SPAG16: variants seen among roughly 807,000 people sequenced by gnomAD.
SPAG16 encodes the protein sperm-associated antigen 16 protein.
In SPAG16, 86 loss-of-function variants were observed where a neutral mutation model predicts 80.4. The observed-to-expected ratio is 1.07, with a 90% CI of 0.90 to 1.28. The LOEUF (loss-of-function observed/expected upper bound fraction) is 1.28. Ranked by LOEUF, SPAG16 falls within the 50% of genes most tolerant of loss-of-function variation. The pLI is 0.00. For missense variants in SPAG16, 870 were observed against 765.3 expected, an observed-to-expected ratio of 1.14 and a Z score of -1.61; for synonymous variants, 294 against 265.9, an observed-to-expected ratio of 1.11 and a Z score of -1.03.
chr2:213,318,391 G>A (rs1001739166), intron 5 of SPAG16, among the ~76,000 whole-genome samples: 8 of 152,040 alleles, frequency 5.3e-5, no homozygotes, highest in African/African-American at 1.9e-4. Context: ...TTAGTGAAAT[G>A]ACTCAGAAAC....
intron 10 of SPAG16, among the ~76,000 whole-genome samples, chr2:213,649,761 TG>T (rs1341340718): frequency 6.6e-6 from 1 of 152,072 alleles, no homozygotes. Context: ...AAATATTTTT[TG>T]TAAAGAAAGG....
intron 10 of SPAG16, among the ~76,000 whole-genome samples, chr2:213,778,302 C>CT (rs1165500279): frequency 6.6e-6 from 1 of 152,052 alleles, no homozygotes; most frequent in Non-Finnish European, 1.5e-5. Context: ...CATACCTAGA[C>CT]TTTTTTGACA....
intron 15 of SPAG16, among the ~76,000 whole-genome samples, chr2:214,313,214 A>G (rs912053055): frequency 6.6e-6 from 1 of 152,152 alleles, no homozygotes; most frequent in African/African-American, 2.4e-5. Flanking sequence ...TAAGAAAATG[A>G]AAATCACCAT....
chr2:213,908,102 G>A (rs1026434139), intron 11 of SPAG16, among the ~76,000 whole-genome samples: 2 of 152,064 alleles, frequency 1.3e-5, no homozygotes, highest in Non-Finnish European at 2.9e-5. Flanking sequence ...CTTATATATT[G>A]CAGTATCACT....
intron 9 of SPAG16, among the ~76,000 whole-genome samples, chr2:213,440,795 A>G (rs1309768093): frequency 6.6e-6 from 1 of 152,216 alleles, no homozygotes; most frequent in Non-Finnish European, 1.5e-5. Context: ...GGTTTATTGC[A>G]TATCTAAACA....
chr2:214,392,356 A>G (rs867154827), intron 15 of SPAG16, among the ~76,000 whole-genome samples: 14 of 151,876 alleles, frequency 9.2e-5, no homozygotes, highest in African/African-American at 3.4e-4. Context: ...GAGTCTCACC[A>G]TGTTGGCCAG....
At chr2:214,064,038 A>G (rs192311166) in intron 13 of SPAG16, among the ~76,000 whole-genome samples, 1 of 152,322 alleles carries the variant, frequency 6.6e-6, no homozygotes, top group Admixed American at 6.5e-5. Flanking sequence ...ACCTAGAGTC[A>G]TGTACTGATT....
chr2:214,061,597 A>T (rs1263665466), intron 13 of SPAG16, among the ~76,000 whole-genome samples: 1 of 152,066 alleles, frequency 6.6e-6, no homozygotes, highest in African/African-American at 2.4e-5. Context: ...GCTTTCAACT[A>T]ATTGGATGTG....
intron 11 of SPAG16, among the ~76,000 whole-genome samples, chr2:213,915,911 T>A (rs1344222309): frequency 6.6e-6 from 1 of 152,244 alleles, no homozygotes; most frequent in African/African-American, 2.4e-5. Context: ...GCTGCATAAA[T>A]ATCTTCTTTT....
intron 12 of SPAG16, among the ~76,000 whole-genome samples, chr2:213,960,571 G>A (rs1178928446): frequency 2.0e-5 from 3 of 151,938 alleles, no homozygotes; most frequent in African/African-American, 7.3e-5. Flanking sequence ...TATTGTTTTT[G>A]TTTTCCTATT....
At chr2:214,282,419 G>C (rs1028427108) in intron 15 of SPAG16, among the ~76,000 whole-genome samples, 3 of 152,012 alleles carry the variant, frequency 2.0e-5, no homozygotes, top group East Asian at 1.9e-4. Context: ...TGTCAATTCA[G>C]TATTTCCTAA....
At chr2:213,751,130 ATTG>A (rs1471639161) in intron 10 of SPAG16, among the ~76,000 whole-genome samples, 1 of 152,086 alleles carries the variant, frequency 6.6e-6, no homozygotes, top group African/African-American at 2.4e-5. Context: ...ATTTACTTCA[ATTG>A]TTAATTTTTT....
At chr2:214,253,486 T>G (rs1335558181) in intron 15 of SPAG16, among the ~76,000 whole-genome samples, 1 of 152,300 alleles carries the variant, frequency 6.6e-6, no homozygotes, top group Non-Finnish European at 1.5e-5. Context: ...TTGTATAAGG[T>G]GTAAGAAACG....
chr2:213,765,030 C>T (rs1015132209), intron 10 of SPAG16, among the ~76,000 whole-genome samples: 1 of 152,100 alleles, frequency 6.6e-6, no homozygotes, highest in African/African-American at 2.4e-5. Flanking sequence ...GCCACTGAAT[C>T]ACATGGAAAA....
chr2:213,552,971 C>A (rs2076830819), intron 10 of SPAG16, among the ~76,000 whole-genome samples: 1 of 152,162 alleles, frequency 6.6e-6, no homozygotes, highest in Non-Finnish European at 1.5e-5. Context: ...AGGCCTTCAG[C>A]CACAGACTGA....
At chr2:213,821,767 T>C (rs2072956133) in intron 10 of SPAG16, among the ~76,000 whole-genome samples, 1 of 152,182 alleles carries the variant, frequency 6.6e-6, no homozygotes, top group African/African-American at 2.4e-5. Flanking sequence ...GTTCAATTAT[T>C]TTAACTTTTA....
intron 11 of SPAG16, among the ~76,000 whole-genome samples, chr2:213,926,816 G>T (rs2078502950): frequency 6.6e-6 from 1 of 152,038 alleles, no homozygotes; most frequent in Non-Finnish European, 1.5e-5. Flanking sequence ...CCCATTATGT[G>T]TTTGAGAATA....
chr2:213,898,034 A>G (rs1478465561), intron 11 of SPAG16, among the ~76,000 whole-genome samples: 1 of 152,174 alleles, frequency 6.6e-6, no homozygotes, highest in Non-Finnish European at 1.5e-5. Context: ...ACTGTGTTGT[A>G]GGTTATATTT....
chr2:214,111,412 G>C (rs1216881312), intron 14 of SPAG16, among the ~76,000 whole-genome samples: 1 of 152,022 alleles, frequency 6.6e-6, no homozygotes. Context: ...TCTTGTTTTT[G>C]TCAGATTTGT....
Sources: gnomAD v4.1 joint callset for allele counts (sites outside exome capture counted in the v4.1 genomes callset) on GRCh38, gnomAD v4.1.1 for gene constraint, MANE v1.5 for transcripts, NCBI Gene and HGNC (gene_info 2026-07-23, HGNC 2026-07-21) for gene names.